Variants in MUC4 observed in about 807,000 individuals in gnomAD.
MUC4 encodes the protein mucin-4.
MUC4 carries 202 observed loss-of-function variants against 257.9 expected under a neutral mutation model. The observed-to-expected ratio is 0.78, with a 90% CI of 0.70 to 0.88. The LOEUF is 0.88. Among genes scored for constraint, MUC4 ranks in the 40% least tolerant of loss-of-function variants. The pLI, the probability that MUC4 is intolerant of heterozygous loss-of-function variation, is 0.00. For missense variants in MUC4, 5,976 were observed against 6,513.7 expected (o/e 0.92, Z 2.84); for synonymous variants, 2,351 against 2,757.1 (o/e 0.85, Z 4.62).
intron 17 of MUC4, among the ~76,000 whole-genome samples, chr3:195,758,581 T>TTTTTTTTTTTTTTTG (rs1560234786): frequency 6.7e-6 from 1 of 149,340 alleles, no homozygotes. Flanking sequence ...ATCTTTTTTT[T>TTTTTTTTTTTTTTTG]GAGACAGAGT....
At position 195,780,266 on chromosome 3, in the gene MUC4, C is replaced by G. The variant is rs2148923799; in HGVS notation, c.11314G>C (p.Gly3772Arg). The change falls in exon 2 of 25, where the codon GGT becomes CGT. Residue 3772 changes from glycine to arginine, a missense_variant. Around this residue, in one of 44 missense-constraint regions of MUC4, gnomAD observed 330 missense variants for 262.0 expected, o/e 1.26. Transcript: ENST00000463781. ...GTGACAGGAAGAGGCGTGGCGTGAC[C>G]TGTGGACACTGAGGAAGCGTCGGTG... is the stretch of plus-strand genomic sequence containing the variant. Reference protein sequence around the residue: ...LVTDASSVSTGHATPLPVTDA... With the variant: ...LVTDASSVSTRHATPLPVTDA... 1.0e-5 allele frequency: 16 copies of G among 1,526,214 alleles called. No individual in the cohort carries two copies. In the East Asian group the frequency reaches 3.2e-4, roughly 31 times the overall value. 94.5% of individuals were successfully genotyped at this position (1,526,214 alleles called of 1,614,324 possible).
Position 195,810,297 on chromosome 3 carries a change from G to T in MUC4, c.82+1439C>A, listed in dbSNP as rs1474192163. 2 of 152,232 alleles carry T rather than the reference G, an allele frequency of 1.3e-5. No individual in the cohort carries two copies. The highest frequency in any genetic ancestry group is 2.9e-5 in the Non-Finnish European group (2 of 68,066). The allele number at this position is 152,232 out of a possible 1,614,324, so 9.4% of individuals were successfully genotyped here. ...GGAAGCTCCTCAAATATGCGCCCAA[G>T]AAATATTTTCCCTCGGCGACTGTTC... is the stretch of plus-strand genomic sequence containing the variant. On this transcript the variant is annotated intron_variant, in intron 1 of 24. Coordinates refer to ENST00000463781, the MANE Select transcript of MUC4 (RefSeq NM_018406.7). The surrounding 1 kb of genome is among the most constrained non-coding windows in gnomAD (Gnocchi z 4.2).
At position 195,783,139 on chromosome 3, in the gene MUC4, G is replaced by A; in HGVS notation, c.8441C>T (p.Ala2814Val). The A allele has an allele frequency of 3.8e-6, 5 of 1,329,398 alleles. No homozygotes were observed. Among genetic ancestry groups the A allele is most frequent in the Non-Finnish European group, 5.0e-6 (5 of 993,138 alleles). The allele number at this position is 1,329,398 out of a possible 1,614,324, so 82.4% of individuals were successfully genotyped here. The change falls in exon 2 of 25, where the codon GCC (alanine) becomes GTC (valine). Residue 2814 changes from alanine to valine, a missense_variant. Ala to Val is a moderately conservative substitution (Grantham distance 64). Coordinates refer to ENST00000463781, the MANE Select transcript of MUC4 (RefSeq NM_018406.7). ...TDASSVSTGH[A>V]TSLPVTDASS... ...AGCGTCGGTGACAGGAAGAGAGGTG[G>A]CGTGACCTGTGGACACTGACGAAGC... is the stretch of plus-strand genomic sequence containing the variant.
In MUC4 at chr3:195,781,092, TGAGG is replaced by T. The variant is rs1359272149; in HGVS notation, c.10484_10487del (p.Ser3495Ter). The T allele has an allele frequency of 6.7e-7, 1 of 1,488,260 alleles. No homozygotes were observed. The highest frequency in any genetic ancestry group is 2.1e-5 in the Admixed American group (1 of 48,296). The allele number at this position is 1,488,260 out of a possible 1,614,324, so 92.2% of individuals were successfully genotyped here. A position where few individuals can be genotyped will look rare whatever the true frequency, so the allele number is the denominator to read the frequency against. On this transcript the variant is annotated frameshift_variant, in exon 2 of 25. Coordinates refer to ENST00000463781, the MANE Select transcript of MUC4 (RefSeq NM_018406.7). LOFTEE classifies it high-confidence loss of function. ...GAGTGCTGGTGTCACCTGTGGATGC[TGAGG>T]AAGGGATGGTGACATGAAGAGGGGT...
intron 1 of MUC4, among the ~76,000 whole-genome samples, chr3:195,801,493 C>T (rs771173197): frequency 1.1e-4 from 16 of 152,096 alleles, no homozygotes; most frequent in Non-Finnish European, 1.2e-4. Flanking sequence ...TCTGTGTCTC[C>T]GACGTTCTTT....
intron 8 of MUC4, among the ~76,000 whole-genome samples, chr3:195,766,112 CACA>C (rs1431651778): frequency 6.6e-6 from 1 of 152,150 alleles, no homozygotes; most frequent in Non-Finnish European, 1.5e-5. Context: ...AGGTGTGCAC[CACA>C]ACGTCTGGCT....
At chr3:195,803,933 G>T (rs113312396) in intron 1 of MUC4, among the ~76,000 whole-genome samples, 1 of 152,300 alleles carries the variant, frequency 6.6e-6, no homozygotes, top group Non-Finnish European at 1.5e-5. Flanking sequence ...CGGGGTGGAC[G>T]CTGTGACACT....
chr3:195,754,015 C>G (rs967153644), intron 19 of MUC4, 198 bp downstream of exon 19: 4 of 687,132 alleles, frequency 5.8e-6, no homozygotes, highest in Non-Finnish European at 9.2e-6. Flanking sequence ...CCACCACCCC[C>G]TTTCCAGGCC....
At chr3:195,763,342 C>T in intron 12 of MUC4, 91 bp downstream of exon 12, 1 of 1,283,814 alleles carries the variant, frequency 7.8e-7, no homozygotes, top group Non-Finnish European at 1.0e-6. Flanking sequence ...GGCTTCCCCT[C>T]CTTCGCTCTC....
chr3:195,757,387 A>C lies in MUC4; in HGVS notation c.14987-59T>G. 6.7e-7 allele frequency: 1 copy of C among 1,491,818 alleles called. No individual in the cohort carries two copies. The highest frequency in any genetic ancestry group is 1.4e-5 in the African/African-American group (1 of 72,492). 92.4% of individuals were successfully genotyped at this position (1,491,818 alleles called of 1,614,324 possible). ...GGAGACTCCTCGGCTCTGTGGTCTG[A>C]TTGCTGATACGGGGCTTCCCCCACC... On this transcript the variant is annotated intron_variant, in intron 17 of 24. Transcript: ENST00000463781. This position sits in a 1 kb window ranked among gnomAD's most constrained non-coding sequence, Gnocchi z 4.8.
At chr3:195,774,145 G>T in intron 4 of MUC4, 27 bp downstream of exon 4, 1 of 1,580,984 alleles carries the variant, frequency 6.3e-7, no homozygotes, top group Non-Finnish European at 8.6e-7. Flanking sequence ...GGGAGTTCAG[G>T]CTGCGCGGGC....
Position 195,762,875 on chromosome 3 carries a change from G to A in MUC4, c.14324C>T (p.Pro4775Leu). The change falls in exon 13 of 25, where the codon CCT becomes CTT. Residue 4775 changes from proline (P) to leucine (L), a missense_variant. Around this residue, in one of 44 missense-constraint regions of MUC4, gnomAD observed 996 missense variants for 1,137.3 expected, o/e 0.88. Coordinates refer to ENST00000463781, the MANE Select transcript of MUC4 (RefSeq NM_018406.7). ...LLDNQTVTFQ[P>L]DHEDGGGQET... ...CCTACCTCCGCCGTCTTCATGGTCA[G>A]GCTGAAATGTCACAGTCTGGTTATC... 2 of 1,568,902 alleles carry A rather than the reference G, an allele frequency of 1.3e-6. No individual in the cohort carries two copies. The highest frequency in any genetic ancestry group is 1.7e-6 in the Non-Finnish European group (2 of 1,158,320).
intron 3 of MUC4, among the ~76,000 whole-genome samples, chr3:195,775,863 TACCTTCCACACCCATACCTTCCACACC>T: frequency 8.3e-6 from 1 of 120,484 alleles, no homozygotes; most frequent in Non-Finnish European, 1.7e-5. Flanking sequence ...TCCACGGCCA[TACCTTCCACACCCATACCTTCCACACC>T]CATACCTTCC....
intron 7 of MUC4, among the ~76,000 whole-genome samples, chr3:195,767,550 C>CACCATT (rs1721077996): frequency 8.6e-6 from 1 of 116,828 alleles, no homozygotes; most frequent in Non-Finnish European, 1.6e-5. Flanking sequence ...TCATCACCAT[C>CACCATT]ACCATTACCA....
chr3:195,776,085 C>T (rs1481006904), intron 3 of MUC4, among the ~76,000 whole-genome samples: 2 of 29,460 alleles, frequency 6.8e-5, no homozygotes, highest in Admixed American at 5.4e-4. Context: ...CCTTCCACAC[C>T]CATACCTTCC....
intron 4 of MUC4, among the ~76,000 whole-genome samples, chr3:195,772,496 CCCT>C: frequency 4.6e-5 from 6 of 129,730 alleles, no homozygotes; most frequent in Non-Finnish European, 8.0e-5. Flanking sequence ...TAGACACCCT[CCCT>C]TCATCGCTCA....
intron 2 of MUC4, 50 bp downstream of exon 2, chr3:195,778,740 C>A: frequency 6.5e-7 from 1 of 1,532,102 alleles, no homozygotes; most frequent in Non-Finnish European, 8.8e-7. Context: ...AGGCTGAATT[C>A]CGCCAAGGGG....
chr3:195,771,705 G>C lies in MUC4; in HGVS notation c.13189C>G (p.Pro4397Ala). Reference protein sequence around the residue: ...TGRDPVALVAPFWDDADFSTG... With the variant: ...TGRDPVALVAAFWDDADFSTG... ...GAGAAGTCAGCATCGTCCCAGAACG[G>C]AGCCACCAGGGCCACAGGGTCCCGG... The change falls in exon 5 of 25, where the codon CCG becomes GCG. Residue 4397 changes from proline to alanine, a missense_variant. By Grantham distance (27) the Pro-to-Ala change is conservative (BLOSUM62 -1). Coordinates refer to ENST00000463781, the MANE Select transcript of MUC4 (RefSeq NM_018406.7). 6.2e-7 allele frequency: 1 copy of C among 1,613,966 alleles called. No homozygotes were observed. The highest frequency in any genetic ancestry group is 2.2e-5 in the East Asian group (1 of 44,878).
At chr3:195,748,787 T>C in intron 24 of MUC4, 115 bp downstream of exon 24, 2 of 1,333,816 alleles carry the variant, frequency 1.5e-6, no homozygotes, top group Non-Finnish European at 2.0e-6. Flanking sequence ...CACTGTCCTC[T>C]CTTCCCTGGT....
Sources: allele counts gnomAD v4.1 joint callset (sites outside exome capture counted in the v4.1 genomes callset), GRCh38; gene constraint gnomAD v4.1.1; regional missense constraint gnomAD v4.1.1; non-coding constraint Gnocchi (gnomAD v3.1); transcripts MANE v1.5; gene names NCBI Gene and HGNC (gene_info 2026-07-23, HGNC 2026-07-21).